Variants in PET117 observed in about 807,000 individuals in gnomAD.
PET117 encodes the protein protein PET117 homolog, mitochondrial.
Under a neutral mutation model 9.2 loss-of-function variants are expected in PET117, and 10 were observed. That is an observed-to-expected ratio of 1.09 (90% CI 0.67 to 1.85). The LOEUF (loss-of-function observed/expected upper bound fraction) is 1.85, where lower values mean the gene tolerates loss of function less well. PET117 is among the 40% of genes most tolerant of loss of function. PET117 has a pLI of 0.00. For synonymous variants in PET117, 43 were observed against 37.1 expected, an observed-to-expected ratio of 1.16 and a Z score of -0.57; for missense variants, 96 against 98.2, an observed-to-expected ratio of 0.98 and a Z score of 0.09.
At position 18,143,087 on chromosome 20, in the gene PET117, T is replaced by G; in HGVS notation, c.*730T>G. On this transcript the variant is annotated 3_prime_UTR_variant, in exon 2 of 2. Coordinates refer to ENST00000432901, the MANE Select transcript of PET117 (RefSeq NM_001164811.2). Reference sequence around the variant, plus strand: ...ATATAAAACATAGGCATGTTTGTACTAATGAAACGTACTGTCAACCTCTAT... The same window carrying G: ...ATATAAAACATAGGCATGTTTGTACGAATGAAACGTACTGTCAACCTCTAT... 7.1e-7 allele frequency: 1 copy of G among 1,402,618 alleles called. No homozygotes were observed. The highest frequency in any genetic ancestry group is 1.6e-5 in the South Asian group (1 of 62,568). 86.9% of individuals were successfully genotyped at this position (1,402,618 alleles called of 1,614,324 possible).
chr20:18,141,666 T>G (rs1600213571), intron 1 of PET117, among the ~76,000 whole-genome samples: 1 of 152,172 alleles, frequency 6.6e-6, no homozygotes, highest in Non-Finnish European at 1.5e-5. Context: ...GGTGGATTAC[T>G]TGAGATCAGG....
rs1418728877 is a variant in PET117 at position 18,138,036 on chromosome 20, GC to G, written c.82del (p.Gln28SerfsTer34). 1.3e-6 allele frequency: 2 copies of G among 1,492,054 alleles called. No individual in the cohort carries two copies. The highest frequency in any genetic ancestry group is 8.9e-7 in the Non-Finnish European group (1 of 1,127,530). The allele number at this position is 1,492,054 out of a possible 1,614,324, so 92.4% of individuals were successfully genotyped here. A position where few individuals can be genotyped will look rare whatever the true frequency, so the allele number is the denominator to read the frequency against. The part of the protein sequence containing the change: ...ATVAGVHVKQ[Q>X]WDQQRLRDGV... ...CAGTGGCCGGCGTACATGTGAAGCA[GC>G]AGTGGGACCAGCAGGTCGGTGTCAC... On this transcript the variant is annotated frameshift_variant, in exon 1 of 2. Coordinates refer to ENST00000432901, the MANE Select transcript of PET117 (RefSeq NM_001164811.2). LOFTEE classifies it high-confidence loss of function.
chr20:18,137,937 C>G lies in PET117; in HGVS notation c.-19C>G. 1 of 1,478,260 alleles carries G rather than the reference C, an allele frequency of 6.8e-7. No homozygotes were observed. Among genetic ancestry groups the G allele is most frequent in the Non-Finnish European group, 8.9e-7 (1 of 1,122,038 alleles). 91.6% of individuals were successfully genotyped at this position (1,478,260 alleles called of 1,614,324 possible). A position where few individuals can be genotyped will look rare whatever the true frequency, so the allele number is the denominator to read the frequency against. ...CCTCGGGCGGGCGGGAGAGAGAGGCCGCGGCCGCCAGCGTGGGGATGTCTA... is the reference window on the plus strand; with the variant it reads ...CCTCGGGCGGGCGGGAGAGAGAGGCGGCGGCCGCCAGCGTGGGGATGTCTA... On this transcript the variant is annotated 5_prime_UTR_variant, in exon 1 of 2. Transcript: ENST00000432901.
Position 18,137,903 on chromosome 20 carries a change from G to A in PET117, c.-53G>A, listed in dbSNP as rs569437693. On this transcript the variant is annotated 5_prime_UTR_variant, in exon 1 of 2. Transcript: ENST00000432901. ...AGGCGGCGGTGCGCACTCTGCGGCGGCCTCTGCGCCTCGGGCGGGCGGGAG... is the reference window on the plus strand; with the variant it reads ...AGGCGGCGGTGCGCACTCTGCGGCGACCTCTGCGCCTCGGGCGGGCGGGAG... 1.3e-5 allele frequency: 19 copies of A among 1,445,936 alleles called. No individual in the cohort carries two copies. The East Asian group carries it at 4.1e-4, about 31-fold the overall frequency. 89.6% of individuals were successfully genotyped at this position (1,445,936 alleles called of 1,614,324 possible). A position where few individuals can be genotyped will look rare whatever the true frequency, so the allele number is the denominator to read the frequency against.
chr20:18,138,748 C>T (rs184321320), intron 1 of PET117, among the ~76,000 whole-genome samples: 2 of 152,258 alleles, frequency 1.3e-5, no homozygotes, highest in East Asian at 3.9e-4. Flanking sequence ...TGCTGATCAG[C>T]AGTGACTATT....
At chr20:18,138,148 C>T (rs996940926) in intron 1 of PET117, 97 bp downstream of exon 1, 38 of 1,340,898 alleles carry the variant, frequency 2.8e-5, no homozygotes, top group South Asian at 1.3e-4. Flanking sequence ...AGCTCCTCTT[C>T]GTGTCTTTCC....
intron 1 of PET117, among the ~76,000 whole-genome samples, chr20:18,141,044 TTTATTTTTA>T (rs2037545703): frequency 1.1e-4 from 4 of 34,936 alleles, no homozygotes; most frequent in African/African-American, 3.5e-4. Context: ...TTTTTTTTTT[TTTATTTTTA>T]TTTTTGCTAG....
At position 18,138,023 on chromosome 20, in the gene PET117, T is replaced by C; in HGVS notation, c.68T>C (p.Val23Ala). 6.7e-7 allele frequency: 1 copy of C among 1,494,826 alleles called. No homozygotes were observed. 92.6% of individuals were successfully genotyped at this position (1,494,826 alleles called of 1,614,324 possible). A position where few individuals can be genotyped will look rare whatever the true frequency, so the allele number is the denominator to read the frequency against. ...VLLTAATVAG[V>A]HVKQQWDQQR... Reference sequence around the variant, plus strand: ...CTGACGGCGGCCACAGTGGCCGGCGTACATGTGAAGCAGCAGTGGGACCAG... The same window carrying C: ...CTGACGGCGGCCACAGTGGCCGGCGCACATGTGAAGCAGCAGTGGGACCAG... Residue 23 changes from valine to alanine, a missense_variant, in exon 1 of 2, where the codon GTA (valine) becomes GCA (alanine). Transcript: ENST00000432901.
rs1882556137 is a variant in PET117, at chr20:18,137,901, C to T, written c.-55C>T. ...ACAGGCGGCGGTGCGCACTCTGCGG[C>T]GGCCTCTGCGCCTCGGGCGGGCGGG... On this transcript the variant is annotated 5_prime_UTR_variant, in exon 1 of 2. Coordinates refer to ENST00000432901, the MANE Select transcript of PET117 (RefSeq NM_001164811.2). The T allele has an allele frequency of 2.8e-6, 4 of 1,441,126 alleles. No homozygotes were observed. Among genetic ancestry groups the T allele is most frequent in the South Asian group, 2.7e-5 (2 of 73,544 alleles). The allele number at this position is 1,441,126 out of a possible 1,614,324, so 89.3% of individuals were successfully genotyped here.
chr20:18,142,947 T>C lies in PET117; in HGVS notation c.*590T>C. ...AAGGAGCTTCTCAATTCCTTTGATT[T>C]GTCAATTCCTGTGTGAAGGTTTGTT... On this transcript the variant is annotated 3_prime_UTR_variant, in exon 2 of 2. Transcript: ENST00000432901. The C allele has an allele frequency of 6.2e-7, 1 of 1,604,958 alleles. No homozygotes were observed. The highest frequency in any genetic ancestry group is 8.5e-7 in the Non-Finnish European group (1 of 1,172,516).
rs936161659 is a variant in PET117 at position 18,137,949 on chromosome 20, C to T, written c.-7C>T. Reference sequence around the variant, plus strand: ...GGGAGAGAGAGGCCGCGGCCGCCAGCGTGGGGATGTCTAGGAGCTCGAAGG... The same window carrying T: ...GGGAGAGAGAGGCCGCGGCCGCCAGTGTGGGGATGTCTAGGAGCTCGAAGG... On this transcript the variant is annotated 5_prime_UTR_variant, in exon 1 of 2. Coordinates refer to ENST00000432901, the MANE Select transcript of PET117 (RefSeq NM_001164811.2). The T allele has an allele frequency of 7.2e-5, 106 of 1,481,490 alleles. No individual in the cohort carries two copies. The highest frequency in any genetic ancestry group is 9.3e-5 in the Non-Finnish European group (104 of 1,123,782). 91.8% of individuals were successfully genotyped at this position (1,481,490 alleles called of 1,614,324 possible).
At chr20:18,138,638 A>G (rs893746789) in intron 1 of PET117, 1 of 201,546 alleles carries the variant, frequency 5.0e-6, no homozygotes, top group Admixed American at 6.5e-5. Flanking sequence ...TCTCGTTTAA[A>G]TGAACAGTTT....
Position 18,138,071 on chromosome 20 carries a change from C to G in PET117, c.96+20C>G, listed in dbSNP as rs1243049042. On this transcript the variant is annotated intron_variant, in intron 1 of 1. Transcript: ENST00000432901. ...CAGCAGGTCGGTGTCACGTGACCGT[C>G]TCTTCCGGGCCCGCGCGCGCGGCGT... 1 of 1,458,224 alleles carries G rather than the reference C, an allele frequency of 6.9e-7. No homozygotes were observed. The highest frequency in any genetic ancestry group is 1.3e-5 in the South Asian group (1 of 76,264). 90.3% of individuals were successfully genotyped at this position (1,458,224 alleles called of 1,614,324 possible).
chr20:18,142,672 C>G lies in PET117; in HGVS notation c.*315C>G. The G allele has an allele frequency of 6.2e-7, 1 of 1,614,168 alleles. No individual in the cohort carries two copies. The highest frequency in any genetic ancestry group is 8.5e-7 in the Non-Finnish European group (1 of 1,180,032). On this transcript the variant is annotated 3_prime_UTR_variant, in exon 2 of 2. Transcript: ENST00000432901. ...GTGAGAAGGAAGGGATGGATAGTAG[C>G]ATCCACCTGAGTAGTCTGATCAGTC...
chr20:18,138,319 G>T, intron 1 of PET117: 1 of 1,158,138 alleles, frequency 8.6e-7, no homozygotes, highest in Non-Finnish European at 1.1e-6. Flanking sequence ...GCGCTGAAGG[G>T]GCCTTGCTCC....
In PET117 at chr20:18,139,867, TATC is replaced by T. The variant is rs533067773; in HGVS notation, c.96+1820_96+1822del. On this transcript the variant is annotated intron_variant, in intron 1 of 1. Coordinates refer to ENST00000432901, the MANE Select transcript of PET117 (RefSeq NM_001164811.2). ...GGCAGTGTATTAAGCACTTTATGTA[TATC>T]ATCTGTAATCCTCACAGTAACCTAG... 1.8e-3 allele frequency among the ~76,000 whole-genome samples: 269 copies of T among 152,300 alleles called. 3 individuals are homozygous for T. Among genetic ancestry groups the T allele is most frequent in the African/African-American group, 6.0e-3 (250 of 41,546 alleles).
intron 1 of PET117, among the ~76,000 whole-genome samples, chr20:18,141,036 T>A (rs1315273676): frequency 1.5e-3 from 32 of 21,324 alleles, no homozygotes; most frequent in Non-Finnish European, 4.0e-3. Flanking sequence ...TTTTTTTTTT[T>A]TTTTTTTTTT....
chr20:18,138,896 G>T (rs955125262), intron 1 of PET117, among the ~76,000 whole-genome samples: 1 of 152,176 alleles, frequency 6.6e-6, no homozygotes, highest in African/African-American at 2.4e-5. Flanking sequence ...GTCTATCAGT[G>T]ATTCACGACC....
At chr20:18,139,635 TG>T (rs1319442575) in intron 1 of PET117, among the ~76,000 whole-genome samples, 1 of 22,056 alleles carries the variant, frequency 4.5e-5, no homozygotes, top group African/African-American at 6.3e-4. Flanking sequence ...CAAAATAACG[TG>T]TGTGTGTGTG....
Sources: gnomAD v4.1 joint callset for allele counts (sites outside exome capture counted in the v4.1 genomes callset) on GRCh38, gnomAD v4.1.1 for gene constraint, MANE v1.5 for transcripts, NCBI Gene and HGNC (gene_info 2026-07-23, HGNC 2026-07-21) for gene names.